The following KCTD8 variants were observed in gnomAD, a reference collection of about 807,000 sequenced individuals.
The protein encoded by KCTD8 is potassium channel tetramerization domain containing 8, also known as BTB/POZ domain-containing protein KCTD8.
KCTD8 carries 27 observed loss-of-function variants against 31.5 expected under a neutral mutation model. The ratio of observed to expected loss-of-function variants is 0.86; its 90% CI spans 0.63 to 1.18. The LOEUF is 1.18. Ranked by LOEUF, KCTD8 falls within the 50% of genes most tolerant of loss-of-function variation. The pLI is 0.00. For synonymous variants in KCTD8, 290 were observed against 280.0 expected, an observed-to-expected ratio of 1.04 and a Z score of -0.36; for missense variants, 658 against 647.7, an observed-to-expected ratio of 1.02 and a Z score of -0.17.
intron 1 of KCTD8, among the ~76,000 whole-genome samples, chr4:44,395,155 A>T (rs995863661): frequency 6.6e-6 from 1 of 152,114 alleles, no homozygotes; most frequent in Non-Finnish European, 1.5e-5. Context: ...TGCAGCAAGA[A>T]AGGTAAGAAA....
At chr4:44,223,820 A>G (rs1214967604) in intron 1 of KCTD8, among the ~76,000 whole-genome samples, 1 of 152,192 alleles carries the variant, frequency 6.6e-6, no homozygotes, top group Non-Finnish European at 1.5e-5. Context: ...ACCCATTTTT[A>G]TAAAGTTTTA....
intron 1 of KCTD8, among the ~76,000 whole-genome samples, chr4:44,355,865 T>C (rs1194755935): frequency 6.6e-6 from 1 of 152,164 alleles, no homozygotes. Flanking sequence ...GCAGTGCAGT[T>C]AATTAAAATG....
At chr4:44,423,526 C>T (rs143499496) in intron 1 of KCTD8, among the ~76,000 whole-genome samples, 1 of 151,942 alleles carries the variant, frequency 6.6e-6, no homozygotes, top group African/African-American at 2.4e-5. Flanking sequence ...AAAAAGTGAC[C>T]CAATTCCTCT....
intron 1 of KCTD8, among the ~76,000 whole-genome samples, chr4:44,332,825 C>CA (rs1718624932): frequency 6.6e-6 from 1 of 151,908 alleles, no homozygotes; most frequent in Admixed American, 6.6e-5. Flanking sequence ...ATCACTGTTT[C>CA]AAAAATGCTC....
chr4:44,252,611 T>C (rs1210980678), intron 1 of KCTD8, among the ~76,000 whole-genome samples: 2 of 151,752 alleles, frequency 1.3e-5, no homozygotes, highest in South Asian at 2.1e-4. Flanking sequence ...TGAGAGGTTA[T>C]TTCCTCTTTA....
intron 1 of KCTD8, among the ~76,000 whole-genome samples, chr4:44,441,270 G>A (rs1410585129): frequency 6.6e-6 from 1 of 150,962 alleles, no homozygotes; most frequent in Admixed American, 6.6e-5. Context: ...TCAGTTTATC[G>A]AGCCTACAGG....
At chr4:44,319,666 A>G (rs544048859) in intron 1 of KCTD8, among the ~76,000 whole-genome samples, 1 of 152,288 alleles carries the variant, frequency 6.6e-6, no homozygotes, top group East Asian at 1.9e-4. Flanking sequence ...CAGAGATGAG[A>G]AAATCTCAGA....
At chr4:44,396,557 T>G (rs1309469584) in intron 1 of KCTD8, among the ~76,000 whole-genome samples, 1 of 152,126 alleles carries the variant, frequency 6.6e-6, no homozygotes, top group Non-Finnish European at 1.5e-5. Flanking sequence ...AACTTTTTCA[T>G]GTTTTTTTCT....
At chr4:44,373,347 G>A (rs901507622) in intron 1 of KCTD8, among the ~76,000 whole-genome samples, 2 of 151,384 alleles carry the variant, frequency 1.3e-5, no homozygotes, top group African/African-American at 2.4e-5. Context: ...GTGACAGAGC[G>A]AGACTCTGTC....
intron 1 of KCTD8, among the ~76,000 whole-genome samples, chr4:44,213,603 AATGTTT>A (rs1714557469): frequency 6.6e-6 from 1 of 152,172 alleles, no homozygotes; most frequent in African/African-American, 2.4e-5. Flanking sequence ...AGTTATTGTT[AATGTTT>A]ATCAGTTTTA....
intron 1 of KCTD8, among the ~76,000 whole-genome samples, chr4:44,254,982 C>T (rs1715950616): frequency 6.6e-6 from 1 of 151,808 alleles, no homozygotes; most frequent in Non-Finnish European, 1.5e-5. Context: ...CTGCCAGTGT[C>T]CTAGGGGTTT....
At chr4:44,414,214 G>C (rs1378459849) in intron 1 of KCTD8, among the ~76,000 whole-genome samples, 1 of 151,290 alleles carries the variant, frequency 6.6e-6, no homozygotes, top group Non-Finnish European at 1.5e-5. Flanking sequence ...AAAAAAAGAA[G>C]AGCAAAAGGC....
At chr4:44,438,441 GA>G (rs1385589916) in intron 1 of KCTD8, among the ~76,000 whole-genome samples, 1 of 152,098 alleles carries the variant, frequency 6.6e-6, no homozygotes, top group Non-Finnish European at 1.5e-5. Context: ...TAAAGATTAT[GA>G]TTAAGAAGTG....
intron 1 of KCTD8, among the ~76,000 whole-genome samples, chr4:44,314,771 A>T (rs1378887398): frequency 6.6e-6 from 1 of 151,854 alleles, no homozygotes; most frequent in African/African-American, 2.4e-5. Context: ...GAGATTTATA[A>T]TATTATTTTT....
intron 1 of KCTD8, among the ~76,000 whole-genome samples, chr4:44,314,018 A>G (rs996475655): frequency 1.3e-5 from 2 of 152,234 alleles, no homozygotes; most frequent in Non-Finnish European, 2.9e-5. Context: ...AAAATATGCT[A>G]AACATTTTTG....
chr4:44,175,522 A>G (rs1170907437), intron 1 of KCTD8, among the ~76,000 whole-genome samples: 1 of 152,216 alleles, frequency 6.6e-6, no homozygotes, highest in African/African-American at 2.4e-5. Flanking sequence ...GAGACCATCA[A>G]TAGCTTCATA....
chr4:44,298,954 TA>T lies in KCTD8; in HGVS notation c.962-123705del, dbSNP rs200997300. 7.5e-3 allele frequency among the ~76,000 whole-genome samples: 1,140 copies of T among 152,054 alleles called. 13 individuals are homozygous for T. The highest frequency in any genetic ancestry group is 0.026 in the African/African-American group (1,063 of 41,486). ...AAGTAAGACAAAATGCATACAGTTG[TA>T]AAAAAAAGTTCCAAGTTTTCAATGG... On this transcript the variant is annotated intron_variant, in intron 1 of 1. Coordinates refer to ENST00000360029, the MANE Select transcript of KCTD8 (RefSeq NM_198353.3).
intron 1 of KCTD8, among the ~76,000 whole-genome samples, chr4:44,262,914 T>A (rs1024881130): frequency 6.6e-6 from 1 of 152,144 alleles, no homozygotes; most frequent in African/African-American, 2.4e-5. Flanking sequence ...TTTCTGATGT[T>A]ATTGTAATTG....
At chr4:44,308,429 G>A (rs372227734) in intron 1 of KCTD8, among the ~76,000 whole-genome samples, 64 of 151,868 alleles carry the variant, frequency 4.2e-4, no homozygotes, top group African/African-American at 1.4e-3. Flanking sequence ...AATGGATTGT[G>A]GACTAATAAT....
Sources: gnomAD v4.1 joint callset for allele counts (sites outside exome capture counted in the v4.1 genomes callset) on GRCh38, gnomAD v4.1.1 for gene constraint, MANE v1.5 for transcripts, NCBI Gene and HGNC (gene_info 2026-07-23, HGNC 2026-07-21) for gene names.